ARHGEF25: variants seen among roughly 807,000 people sequenced by gnomAD.
ARHGEF25 encodes RAC/CDC42 exchange factor.
Under a neutral mutation model 74.0 loss-of-function variants are expected in ARHGEF25, and 42 were observed. That is an observed-to-expected ratio of 0.57 (90% CI 0.44 to 0.73). The LOEUF (loss-of-function observed/expected upper bound fraction) is 0.73, where lower values mean the gene tolerates loss of function less well. ARHGEF25 is among the 30% of genes least tolerant of loss of function. The probability of loss-of-function intolerance (pLI) is 0.00; values close to 1 mark genes in which losing one functional copy is unlikely to be tolerated. For missense variants in ARHGEF25, 645 were observed against 725.5 expected (o/e 0.89, Z 1.27); for synonymous variants, 293 against 278.6 (o/e 1.05, Z -0.51).
intron 1 of ARHGEF25, 46 bp from the exon 2 acceptor site, chr12:57,612,884 G>C: frequency 6.3e-7 from 1 of 1,586,176 alleles, no homozygotes. Flanking sequence ...CCTGAGTCTG[G>C]AGCTGGGGCA....
chr12:57,616,310 A>G lies in ARHGEF25; in HGVS notation c.1447A>G (p.Arg483Gly). The change falls in exon 14 of 15, where the codon AGA becomes GGA. Residue 483 changes from arginine (R) to glycine (G), a missense_variant. Arg to Gly is a moderately radical substitution (Grantham distance 125). Coordinates refer to ENST00000286494, the MANE Select transcript of ARHGEF25 (RefSeq NM_182947.4). ...NALQSPIEYQ[R>G]RESQTNSLGR... Reference sequence around the variant, plus strand: ...ATTGCAGTCACCCATTGAGTACCAGAGACGGGAGAGCCAGACCAACAGCCT... The same window carrying G: ...ATTGCAGTCACCCATTGAGTACCAGGGACGGGAGAGCCAGACCAACAGCCT... The G allele has an allele frequency of 1.2e-6, 2 of 1,613,162 alleles. No homozygotes were observed. The highest frequency in any genetic ancestry group is 1.7e-6 in the Non-Finnish European group (2 of 1,179,842).
At position 57,615,290 on chromosome 12, in the gene ARHGEF25, G is replaced by C. The variant is rs200196512; in HGVS notation, c.1014G>C (p.Thr338=). 5 of 1,609,428 alleles carry C rather than the reference G, an allele frequency of 3.1e-6. No homozygotes were observed. Among genetic ancestry groups the C allele is most frequent in the Non-Finnish European group, 4.2e-6 (5 of 1,177,850 alleles). ...FVPKRCNDMM[T]LGRLRGFEGK... ...CCAAGCGCTGCAACGATATGATGAC[G>C]CTGGGGAGATTGCGGGGATTTGAGG... The change falls in exon 11 of 15, where the codon ACG becomes ACC. Residue 338 remains threonine, a synonymous_variant. Coordinates refer to ENST00000286494, the MANE Select transcript of ARHGEF25 (RefSeq NM_182947.4).
At chr12:57,616,206 A>G in intron 13 of ARHGEF25, 78 bp from the exon 14 acceptor site, 1 of 1,494,166 alleles carries the variant, frequency 6.7e-7, no homozygotes, top group Non-Finnish European at 9.0e-7. Flanking sequence ...GGGAGGGCAA[A>G]GTGGGAGAAT....
At chr12:57,615,386 A>T (rs1884238007) in intron 11 of ARHGEF25, 72 bp downstream of exon 11, 1 of 1,581,474 alleles carries the variant, frequency 6.3e-7, no homozygotes, top group African/African-American at 1.4e-5. Flanking sequence ...GGAGGTCCTT[A>T]TGGGGAGTTG....
At chr12:57,612,665 T>C in intron 1 of ARHGEF25, 1 of 1,286,204 alleles carries the variant, frequency 7.8e-7, no homozygotes, top group Non-Finnish European at 9.9e-7. Flanking sequence ...CCCATATCTA[T>C]GCTATGCTCA....
chr12:57,612,771 A>G (rs1415934785), intron 1 of ARHGEF25, 159 bp from the exon 2 acceptor site: 2 of 1,478,566 alleles, frequency 1.4e-6, no homozygotes, highest in Admixed American at 2.3e-5. Flanking sequence ...CCCTGGTGAA[A>G]TTTTCTATCC....
At chr12:57,611,398 G>A (rs1884032775), upstream of ARHGEF25, 2 of 981,936 alleles carry the variant, frequency 2.0e-6, no homozygotes, top group African/African-American at 1.7e-5. The surrounding 1 kb of genome is among the most constrained non-coding windows in gnomAD (Gnocchi z 4.5). Flanking sequence ...GGGCCGCAGA[G>A]GCCCCGCCTC....
rs1012861771 is a variant in ARHGEF25, at chr12:57,617,002, G to A, written c.*108G>A. The A allele has an allele frequency of 2.1e-5, 19 of 889,378 alleles. No homozygotes were observed. In the African/African-American group the frequency reaches 3.2e-4, roughly 15 times the overall value. The allele number at this position is 889,378 out of a possible 1,614,324, so 55.1% of individuals were successfully genotyped here. A position where few individuals can be genotyped will look rare whatever the true frequency, so the allele number is the denominator to read the frequency against. ...GAATTCCTCCTTCTTGGTGTGTCTG[G>A]AGGGTGGGCAAGGCTGGGAGGGATA... On this transcript the variant is annotated 3_prime_UTR_variant, in exon 15 of 15. Transcript: ENST00000286494.
intron 11 of ARHGEF25, 93 bp downstream of exon 11, chr12:57,615,407 G>C: frequency 6.3e-7 from 1 of 1,588,312 alleles, no homozygotes; most frequent in Non-Finnish European, 8.6e-7. Context: ...TCTTCTCCTG[G>C]GGCTGACCCC....
rs1240897536 is a variant in ARHGEF25 at position 57,611,603 on chromosome 12, T to C, written c.-292T>C. 7 of 1,010,120 alleles carry C rather than the reference T, an allele frequency of 6.9e-6. No individual in the cohort carries two copies. In the South Asian group the frequency reaches 2.3e-4, roughly 34 times the overall value. 62.6% of individuals were successfully genotyped at this position (1,010,120 alleles called of 1,614,324 possible). A position where few individuals can be genotyped will look rare whatever the true frequency, so the allele number is the denominator to read the frequency against. ...CCCCTACCATCCCTCCCCCTTCCAC[T>C]GGACATCTGGACCCTAGGCCCCCGC... On this transcript the variant is annotated 5_prime_UTR_variant, in exon 1 of 15. Coordinates refer to ENST00000286494, the MANE Select transcript of ARHGEF25 (RefSeq NM_182947.4). This position sits in a 1 kb window ranked among gnomAD's most constrained non-coding sequence, Gnocchi z 4.5.
chr12:57,610,256 C>T (rs759617253), upstream of ARHGEF25: 43 of 1,589,248 alleles, frequency 2.7e-5, no homozygotes, highest in East Asian at 9.2e-5. Context: ...CCGCACTGAC[C>T]GGATACTGGG....
rs1015857968 is a variant in ARHGEF25 at position 57,614,257 on chromosome 12, G to C, written c.657-74G>C. The C allele has an allele frequency of 4.3e-5, 68 of 1,594,132 alleles. No individual in the cohort carries two copies. Among genetic ancestry groups the C allele is most frequent in the African/African-American group, 2.0e-4 (15 of 74,494 alleles). ...GGCACACTACCAGGGCAGACAGCTC[G>C]AAACTGCTGGGAGTGGGCGAGGTGG... On this transcript the variant is annotated intron_variant, in intron 6 of 14. Transcript: ENST00000286494. The surrounding 1 kb of genome is among the most constrained non-coding windows in gnomAD (Gnocchi z 4.6).
In ARHGEF25 at chr12:57,614,989, G is replaced by C. The variant is rs1157593756; in HGVS notation, c.932G>C (p.Arg311Thr). 3 of 1,614,110 alleles carry C rather than the reference G, an allele frequency of 1.9e-6. No homozygotes were observed. The South Asian group carries it at 3.3e-5, about 18-fold the overall frequency. The change falls in exon 10 of 15, where the codon AGA (arginine) becomes ACA (threonine). Residue 311 changes from arginine (R) to threonine (T), a missense_variant. By Grantham distance (71) the Arg-to-Thr change is moderately conservative. This residue lies in a region of ARHGEF25 where 194 missense variants were observed against 269.4 expected (regional missense o/e 0.72). Coordinates refer to ENST00000286494, the MANE Select transcript of ARHGEF25 (RefSeq NM_182947.4). The surrounding 1 kb of genome is among the most constrained non-coding windows in gnomAD (Gnocchi z 4.6). The stretch of plus-strand genomic sequence containing the variant: ...TAGGATTTTCTCAAGTATTACAATA[G>C]AGCTGGGATGGATACTGCAGACCTA... ...LLKDFLKYYNRAGMDTADLEQ... is the reference protein window; with the variant it reads ...LLKDFLKYYNTAGMDTADLEQ...
chr12:57,616,636 T>C, intron 14 of ARHGEF25, 141 bp downstream of exon 14: 1 of 1,006,710 alleles, frequency 9.9e-7, no homozygotes, highest in East Asian at 2.4e-5. Context: ...TTCTCCCCTC[T>C]ATTTTAACTC....
intron 1 of ARHGEF25, 54 bp from the exon 2 acceptor site, chr12:57,612,876 T>G (rs1852794653): frequency 6.3e-7 from 1 of 1,577,678 alleles, no homozygotes; most frequent in African/African-American, 1.4e-5. Flanking sequence ...CTGGGGACCC[T>G]GAGTCTGGAG....
intron 10 of ARHGEF25, 36 bp from the exon 11 acceptor site, chr12:57,615,201 T>C (rs2140223690): frequency 6.4e-7 from 1 of 1,574,760 alleles, no homozygotes; most frequent in South Asian, 1.2e-5. Context: ...ATGACTCTCT[T>C]CGCCCAACAA....
At position 57,611,438 on chromosome 12, in the gene ARHGEF25, C is replaced by G; in HGVS notation, c.-457C>G. On this transcript the variant is annotated 5_prime_UTR_variant, in exon 1 of 15. Coordinates refer to ENST00000286494, the MANE Select transcript of ARHGEF25 (RefSeq NM_182947.4). The surrounding 1 kb of genome is among the most constrained non-coding windows in gnomAD (Gnocchi z 4.5). ...CGGCCCCGCGGCCAGGCCTGTTATT[C>G]AGCTCTCCGCTCCGCTGGGACCCGC... is the stretch of plus-strand genomic sequence containing the variant. The G allele has an allele frequency of 1.0e-6, 1 of 985,392 alleles. No homozygotes were observed. Among genetic ancestry groups the G allele is most frequent in the Non-Finnish European group, 1.2e-6 (1 of 829,990 alleles). 61.0% of individuals were successfully genotyped at this position (985,392 alleles called of 1,614,324 possible). A position where few individuals can be genotyped will look rare whatever the true frequency, so the allele number is the denominator to read the frequency against.
At chr12:57,613,873 C>T in intron 5 of ARHGEF25, 113 bp downstream of exon 5, 1 of 1,486,764 alleles carries the variant, frequency 6.7e-7, no homozygotes, top group Non-Finnish European at 9.3e-7. Flanking sequence ...CCTCCCCACT[C>T]CTGGACCTTC....
chr12:57,610,391 T>C (rs1304857353), upstream of ARHGEF25: 1 of 1,217,542 alleles, frequency 8.2e-7, no homozygotes, highest in Non-Finnish European at 1.1e-6. Flanking sequence ...ACTCAACTTA[T>C]CCGAAAACGA....
Sources: allele counts gnomAD v4.1 joint callset, GRCh38; gene constraint gnomAD v4.1.1; regional missense constraint gnomAD v4.1.1; non-coding constraint Gnocchi (gnomAD v3.1); transcripts MANE v1.5; gene names NCBI Gene and HGNC (gene_info 2026-07-23, HGNC 2026-07-21).